The following FGGY variants were observed in gnomAD, a reference collection of about 807,000 sequenced individuals.
The protein encoded by FGGY is FGGY carbohydrate kinase domain-containing protein.
Under a neutral mutation model 71.3 loss-of-function variants are expected in FGGY, and 72 were observed. The observed-to-expected ratio is 1.01, with a 90% CI of 0.84 to 1.23. The LOEUF (loss-of-function observed/expected upper bound fraction) is 1.23. FGGY is among the 50% of genes most tolerant of loss of function. The pLI, the probability that FGGY is intolerant of heterozygous loss-of-function variation, is 0.00. For missense variants in FGGY, 668 were observed against 682.3 expected, an observed-to-expected ratio of 0.98 and a Z score of 0.23; for synonymous variants, 251 against 250.3, an observed-to-expected ratio of 1.00 and a Z score of -0.02.
At chr1:59,653,717 G>C (rs142255306) in intron 11 of FGGY, among the ~76,000 whole-genome samples, 1 of 152,196 alleles carries the variant, frequency 6.6e-6, no homozygotes, top group Non-Finnish European at 1.5e-5. Flanking sequence ...CGTCTTCTGC[G>C]TTGCTCACGC....
chr1:59,526,418 C>G (rs1465040341), intron 7 of FGGY, among the ~76,000 whole-genome samples: 1 of 152,208 alleles, frequency 6.6e-6, no homozygotes, highest in Non-Finnish European at 1.5e-5. Flanking sequence ...CAAGCATGTG[C>G]TGGGCACTGG....
chr1:59,722,596 C>G (rs1348278960), intron 14 of FGGY, among the ~76,000 whole-genome samples: 2 of 152,214 alleles, frequency 1.3e-5, no homozygotes, highest in African/African-American at 2.4e-5. Flanking sequence ...CTCAGTTGTT[C>G]CAGTTGTAGC....
At chr1:59,678,683 G>T (rs866710329) in intron 14 of FGGY, among the ~76,000 whole-genome samples, 3 of 152,074 alleles carry the variant, frequency 2.0e-5, no homozygotes, top group Non-Finnish European at 4.4e-5. Context: ...TATCTTCAGG[G>T]GCAGTTTTTA....
intron 3 of FGGY, among the ~76,000 whole-genome samples, chr1:59,343,716 T>A (rs1176765511): frequency 6.6e-6 from 1 of 152,128 alleles, no homozygotes; most frequent in Non-Finnish European, 1.5e-5. Context: ...TGAAAAAAAT[T>A]AACTTCTCAG....
intron 8 of FGGY, 32 bp downstream of exon 8, chr1:59,554,259 C>A: frequency 6.4e-7 from 1 of 1,557,734 alleles, no homozygotes; most frequent in Non-Finnish European, 8.8e-7. Flanking sequence ...GCAAGGCCAC[C>A]ACACAGCAGG....
intron 11 of FGGY, among the ~76,000 whole-genome samples, chr1:59,653,452 G>A (rs577188067): frequency 1.3e-3 from 192 of 152,300 alleles, no homozygotes; most frequent in African/African-American, 4.5e-3. Flanking sequence ...ATATAGTCTC[G>A]TGGTTCGCCG....
intron 8 of FGGY, among the ~76,000 whole-genome samples, chr1:59,596,213 A>C (rs979589780): frequency 6.6e-6 from 1 of 151,872 alleles, no homozygotes; most frequent in African/African-American, 2.4e-5. Context: ...TTTTAACATG[A>C]GGCTCACTTA....
intron 2 of FGGY, among the ~76,000 whole-genome samples, chr1:59,333,738 T>C (rs1369786780): frequency 6.6e-6 from 1 of 152,234 alleles, no homozygotes; most frequent in African/African-American, 2.4e-5. Flanking sequence ...GTAGCCATGG[T>C]GGCAGAGCTA....
chr1:59,353,396 A>G (rs1312812783), intron 4 of FGGY, among the ~76,000 whole-genome samples: 2 of 152,224 alleles, frequency 1.3e-5, no homozygotes. Context: ...AATGAGTGAT[A>G]TGTTTTTTCC....
At chr1:59,436,471 C>T (rs1379452338) in intron 5 of FGGY, among the ~76,000 whole-genome samples, 1 of 152,160 alleles carries the variant, frequency 6.6e-6, no homozygotes, top group African/African-American at 2.4e-5. Context: ...GGCTTTTCTG[C>T]CCATGGCCCC....
At chr1:59,750,510 A>G (rs941119254) in intron 14 of FGGY, among the ~76,000 whole-genome samples, 2 of 152,206 alleles carry the variant, frequency 1.3e-5, no homozygotes, top group African/African-American at 4.8e-5. Context: ...AGATATGTAA[A>G]TGTGTGCACA....
At chr1:59,673,913 AG>A in intron 13 of FGGY, 125 bp from the exon 14 acceptor site, 1 of 692,530 alleles carries the variant, frequency 1.4e-6, no homozygotes, top group Non-Finnish European at 2.6e-6. Context: ...GGAGGACTGC[AG>A]GGAGTCGGGC....
At chr1:59,407,139 G>C (rs2153418582) in intron 5 of FGGY, among the ~76,000 whole-genome samples, 1 of 152,324 alleles carries the variant, frequency 6.6e-6, no homozygotes, top group South Asian at 2.1e-4. Flanking sequence ...CCCACCTGCA[G>C]GTTGGGTCCT....
At chr1:59,747,937 A>G (rs1192936569) in intron 14 of FGGY, among the ~76,000 whole-genome samples, 3 of 152,200 alleles carry the variant, frequency 2.0e-5, no homozygotes, top group Non-Finnish European at 2.9e-5. Flanking sequence ...AGCTAAAGCA[A>G]GTTTCAAATC....
In FGGY at chr1:59,710,286, A is replaced by T. The variant is rs192999661; in HGVS notation, c.1512+36153A>T. Among the ~76,000 whole-genome samples, 462 of 152,354 alleles carry T rather than the reference A, an allele frequency of 3.0e-3. 3 individuals carry two copies. Among genetic ancestry groups the T allele is most frequent in the African/African-American group, 0.01 (431 of 41,574 alleles). ...TGGACCCCTTCCTTACATCTTATAC[A>T]AAAATTAACTCAAGATGGATTAAAG... On this transcript the variant is annotated intron_variant, in intron 14 of 15. Coordinates refer to ENST00000303721, the MANE Select transcript of FGGY (RefSeq NM_018291.5).
At position 59,306,391 on chromosome 1, in the gene FGGY, A is replaced by G. The variant is rs773386121; in HGVS notation, c.-15+9241A>G. On this transcript the variant is annotated intron_variant, in intron 1 of 15. Transcript: ENST00000303721. ...TATAACTAAATTAGGATAATTTTCA[A>G]TAAAAGAACTATTGAGTAAGTGAGG... 8.1e-4 allele frequency among the ~76,000 whole-genome samples: 124 copies of G among 152,356 alleles called. 1 individual carries two copies. Among genetic ancestry groups the G allele is most frequent in the Non-Finnish European group, 1.6e-3 (108 of 68,042 alleles).
At chr1:59,413,067 C>T (rs1419220201) in intron 5 of FGGY, among the ~76,000 whole-genome samples, 5 of 152,200 alleles carry the variant, frequency 3.3e-5, no homozygotes. Flanking sequence ...GTTTCTTTGA[C>T]CTGGAATGCC....
intron 5 of FGGY, among the ~76,000 whole-genome samples, chr1:59,434,829 A>G (rs968442000): frequency 6.6e-6 from 1 of 152,190 alleles, no homozygotes; most frequent in Non-Finnish European, 1.5e-5. Flanking sequence ...TTAGGTTTCA[A>G]CACAGGAATT....
chr1:59,665,429 G>A (rs532314415), intron 12 of FGGY, among the ~76,000 whole-genome samples: 3 of 152,216 alleles, frequency 2.0e-5, no homozygotes, highest in Non-Finnish European at 4.4e-5. Flanking sequence ...AGACCTCTGG[G>A]CTAGAACTGC....
Sources: allele counts gnomAD v4.1 joint callset (sites outside exome capture counted in the v4.1 genomes callset), GRCh38; gene constraint gnomAD v4.1.1; transcripts MANE v1.5; gene names NCBI Gene and HGNC (gene_info 2026-07-23, HGNC 2026-07-21).